The following GRID2 variants were observed in gnomAD, a reference collection of about 807,000 sequenced individuals.
GRID2 encodes the protein glutamate ionotropic receptor delta type subunit 2.
Under a neutral mutation model 114.8 loss-of-function variants are expected in GRID2, and 33 were observed. The observed-to-expected ratio is 0.29, with a 90% CI of 0.22 to 0.38. The LOEUF is 0.38. GRID2 is among the 10% of genes least tolerant of loss of function. GRID2 has a pLI of 1.00. For synonymous variants in GRID2, 505 were observed against 449.9 expected (o/e 1.12, Z -1.55); for missense variants, 1,184 against 1,257.7 (o/e 0.94, Z 0.89).
chr4:93,793,357 TA>T (rs1284546269), intron 1 of GRID2, among the ~76,000 whole-genome samples: 3 of 152,222 alleles, frequency 2.0e-5, no homozygotes, highest in Admixed American at 6.5e-5. Context: ...ACACTCAGAG[TA>T]ATTAGATTCT....
At chr4:93,378,200 T>A (rs1346548042) in intron 8 of GRID2, among the ~76,000 whole-genome samples, 1 of 152,130 alleles carries the variant, frequency 6.6e-6, no homozygotes, top group Non-Finnish European at 1.5e-5. Flanking sequence ...TTAATATGTT[T>A]AAATTCCTAG....
chr4:93,685,644 A>T (rs1726008225), intron 14 of GRID2, among the ~76,000 whole-genome samples: 1 of 152,018 alleles, frequency 6.6e-6, no homozygotes, highest in Non-Finnish European at 1.5e-5. Flanking sequence ...CTCTGCCTGG[A>T]TAATCTCATC....
intron 1 of GRID2, among the ~76,000 whole-genome samples, chr4:92,568,235 G>A (rs1727430072): frequency 1.3e-5 from 2 of 152,024 alleles, no homozygotes; most frequent in Admixed American, 1.3e-4. Context: ...GTAACTGGAT[G>A]TCAGTGAGGA....
At chr4:92,921,271 T>C (rs1188925281) in intron 2 of GRID2, among the ~76,000 whole-genome samples, 1 of 152,128 alleles carries the variant, frequency 6.6e-6, no homozygotes, top group East Asian at 1.9e-4. Flanking sequence ...TTAAGGTTTT[T>C]AACTTCTTTA....
rs1279840389 is a variant in GRID2, at chr4:92,753,730, C to T, written c.244+163444C>T. ...ACCAGGACCTCTAAAGAAGGGTTCA[C>T]GGAGTTACTGTCAGTTTGAGGAAAG... On this transcript the variant is annotated intron_variant, in intron 2 of 15. Coordinates refer to ENST00000282020, the MANE Select transcript of GRID2 (RefSeq NM_001510.4). Among the ~76,000 whole-genome samples, 8 of 152,114 alleles carry T rather than the reference C, an allele frequency of 5.3e-5. No homozygotes were observed. In the South Asian group the frequency reaches 6.2e-4, roughly 12 times the overall value.
chr4:93,772,319 G>A lies in GRID2; in HGVS notation c.2845G>A (p.Ala949Thr), dbSNP rs1382233690. The change falls in exon 16 of 16, where the codon GCT (alanine) becomes ACT (threonine). Residue 949 changes from alanine (A) to threonine (T), a missense_variant. Transcript: ENST00000282020. ...TLSRTLSAKA[A>T]SGFTFGNVPE... Reference sequence around the variant, plus strand: ...TAGCCGCACACTGTCAGCTAAAGCTGCTTCTGGTTTCACTTTTGGCAACGT... The same window carrying A: ...TAGCCGCACACTGTCAGCTAAAGCTACTTCTGGTTTCACTTTTGGCAACGT... The A allele has an allele frequency of 1.2e-6, 2 of 1,614,144 alleles. No homozygotes were observed. Among genetic ancestry groups the A allele is most frequent in the African/African-American group, 2.7e-5 (2 of 75,038 alleles).
At chr4:93,474,422 A>G (rs546636284) in intron 11 of GRID2, among the ~76,000 whole-genome samples, 2 of 152,292 alleles carry the variant, frequency 1.3e-5, no homozygotes, top group Non-Finnish European at 2.9e-5. Flanking sequence ...GAATCATCTA[A>G]ATAACTTGGT....
intron 4 of GRID2, among the ~76,000 whole-genome samples, chr4:93,166,810 G>A (rs558725839): frequency 2.0e-5 from 3 of 152,164 alleles, no homozygotes; most frequent in African/African-American, 7.2e-5. Flanking sequence ...TAAGTACTAG[G>A]TTACTACTGA....
At chr4:92,483,939 C>T (rs1722742198) in intron 1 of GRID2, among the ~76,000 whole-genome samples, 1 of 152,108 alleles carries the variant, frequency 6.6e-6, no homozygotes, top group Non-Finnish European at 1.5e-5. Flanking sequence ...TGAGAACGCA[C>T]AGTTAGTTAA....
intron 2 of GRID2, among the ~76,000 whole-genome samples, chr4:92,861,873 A>G (rs2149435848): frequency 6.6e-6 from 1 of 152,148 alleles, no homozygotes; most frequent in South Asian, 2.1e-4. Context: ...TCCATGGATC[A>G]TCATTCTTTT....
At chr4:92,426,114 G>A (rs549585278) in intron 1 of GRID2, among the ~76,000 whole-genome samples, 1 of 152,124 alleles carries the variant, frequency 6.6e-6, no homozygotes, top group East Asian at 1.9e-4. Context: ...GCTTTCTATG[G>A]TAACTTGTAC....
intron 14 of GRID2, among the ~76,000 whole-genome samples, 163 bp downstream of exon 14, chr4:93,626,598 C>T (rs1214890594): frequency 6.6e-6 from 1 of 152,148 alleles, no homozygotes; most frequent in Admixed American, 6.6e-5. Context: ...TTCAATAAGA[C>T]ACTCATTACC....
intron 2 of GRID2, among the ~76,000 whole-genome samples, chr4:93,083,544 A>C (rs1730063539): frequency 6.6e-6 from 1 of 151,762 alleles, no homozygotes; most frequent in South Asian, 2.1e-4. Flanking sequence ...ACACACAAAA[A>C]AATCAGCTGG....
chr4:93,221,619 G>A, intron 6 of GRID2, among the ~76,000 whole-genome samples: 1 of 152,170 alleles, frequency 6.6e-6, no homozygotes, highest in Non-Finnish European at 1.5e-5. Context: ...TATTGTGAAG[G>A]AGGAGTCAAA....
intron 2 of GRID2, among the ~76,000 whole-genome samples, chr4:92,853,571 A>T (rs1049903620): frequency 1.3e-5 from 2 of 151,806 alleles, no homozygotes; most frequent in African/African-American, 4.8e-5. Flanking sequence ...TCCTTTTTTT[A>T]TTTGCCAGAG....
intron 2 of GRID2, among the ~76,000 whole-genome samples, chr4:92,770,144 C>G (rs1738470219): frequency 6.6e-6 from 1 of 152,220 alleles, no homozygotes; most frequent in Admixed American, 6.5e-5. Context: ...CCTAAATCAT[C>G]TCTCTCAAGT....
At chr4:93,455,573 A>ATTTTTTTT in intron 10 of GRID2, 89 bp from the exon 11 acceptor site, 12 of 761,430 alleles carry the variant, frequency 1.6e-5, no homozygotes, top group Middle Eastern at 2.4e-4. Flanking sequence ...TGAGGCATCT[A>ATTTTTTTT]TTTTTTTTTC....
intron 1 of GRID2, among the ~76,000 whole-genome samples, chr4:92,529,281 G>C (rs1001907220): frequency 2.0e-5 from 3 of 151,932 alleles, no homozygotes; most frequent in African/African-American, 4.8e-5. Context: ...TAGTGAGAGA[G>C]AGAGAGAGAG....
intron 8 of GRID2, among the ~76,000 whole-genome samples, chr4:93,274,802 C>T (rs1049806987): frequency 2.6e-5 from 4 of 151,954 alleles, no homozygotes; most frequent in East Asian, 3.9e-4. Context: ...ACATCATGTA[C>T]GTGTCACAAA....
Sources: gnomAD v4.1 joint callset for allele counts (sites outside exome capture counted in the v4.1 genomes callset) on GRCh38, gnomAD v4.1.1 for gene constraint, MANE v1.5 for transcripts, NCBI Gene and HGNC (gene_info 2026-07-23, HGNC 2026-07-21) for gene names.